CDH13: variants seen among roughly 807,000 people sequenced by gnomAD.
CDH13 encodes cadherin-13.
A neutral mutation model predicts 63.8 loss-of-function variants in CDH13; 24 were observed. The ratio of observed to expected loss-of-function variants is 0.38; its 90% CI spans 0.27 to 0.53. The LOEUF (loss-of-function observed/expected upper bound fraction) is 0.53. CDH13 is among the 20% of genes least tolerant of loss of function. CDH13 has a pLI of 0.85. For missense variants in CDH13, 1,049 were observed against 903.1 expected (o/e 1.16, Z -2.07); for synonymous variants, 503 against 355.3 (o/e 1.42, Z -4.67).
intron 6 of CDH13, among the ~76,000 whole-genome samples, chr16:83,450,327 C>G (rs541175014): frequency 6.6e-6 from 1 of 152,148 alleles, no homozygotes; most frequent in Admixed American, 6.5e-5. Context: ...ATTTGAAGTA[C>G]GTGGTCCCTG....
At chr16:83,731,262 C>G (rs1485141841) in intron 10 of CDH13, among the ~76,000 whole-genome samples, 2 of 152,206 alleles carry the variant, frequency 1.3e-5, no homozygotes, top group African/African-American at 2.4e-5. Context: ...AGGGGCTGAA[C>G]TGATTTACAT....
chr16:83,374,596 A>G (rs74621662), intron 6 of CDH13, among the ~76,000 whole-genome samples: 267 of 152,326 alleles, frequency 1.8e-3, no homozygotes, highest in Non-Finnish European at 3.1e-3. Flanking sequence ...ACTCGTACCC[A>G]CTTCAGGATA....
intron 6 of CDH13, among the ~76,000 whole-genome samples, chr16:83,364,351 CTG>C (rs2151389216): frequency 6.6e-6 from 1 of 152,262 alleles, no homozygotes; most frequent in African/African-American, 2.4e-5. Context: ...TTTGATGTAA[CTG>C]TACTGTGCAA....
chr16:83,052,571 C>T (rs1362023345), intron 3 of CDH13, among the ~76,000 whole-genome samples: 3 of 152,056 alleles, frequency 2.0e-5, no homozygotes, highest in Non-Finnish European at 4.4e-5. Flanking sequence ...CCTGGGGTCA[C>T]GAGTTGAAGA....
intron 13 of CDH13, among the ~76,000 whole-genome samples, chr16:83,792,531 CA>C (rs1235556075): frequency 6.6e-6 from 1 of 152,174 alleles, no homozygotes; most frequent in Non-Finnish European, 1.5e-5. Flanking sequence ...TGTCTAGAGA[CA>C]TTTTGATTAT....
At chr16:83,192,688 G>C (rs555512027) in intron 4 of CDH13, among the ~76,000 whole-genome samples, 1 of 152,096 alleles carries the variant, frequency 6.6e-6, no homozygotes, top group Non-Finnish European at 1.5e-5. Context: ...AGGTGTTTGC[G>C]TGCTGTATCA....
intron 2 of CDH13, among the ~76,000 whole-genome samples, chr16:83,017,086 C>G (rs1048824945): frequency 6.6e-6 from 1 of 152,182 alleles, no homozygotes; most frequent in African/African-American, 2.4e-5. Flanking sequence ...TATGTTTCCC[C>G]AGTCATTGAA....
chr16:83,554,474 C>T (rs1251329392), intron 7 of CDH13, among the ~76,000 whole-genome samples: 14 of 152,078 alleles, frequency 9.2e-5, no homozygotes, highest in Admixed American at 4.6e-4. Flanking sequence ...GAAGGGAACA[C>T]GAACTTCTGC....
chr16:83,393,463 T>C (rs1319363404), intron 6 of CDH13, among the ~76,000 whole-genome samples: 3 of 152,186 alleles, frequency 2.0e-5, no homozygotes, highest in East Asian at 1.9e-4. Context: ...TGTCACAATC[T>C]GCTGCCCGAG....
At chr16:83,297,586 T>C (rs11640284) in intron 5 of CDH13, among the ~76,000 whole-genome samples, 62,460 of 151,826 alleles carry the variant, frequency 0.41, 12,932 homozygotes, top group Admixed American at 0.45. Context: ...GCTTGGGCAC[T>C]GTTCTCAGTG....
At chr16:83,035,380 G>A (rs1916755447) in intron 3 of CDH13, among the ~76,000 whole-genome samples, 1 of 152,110 alleles carries the variant, frequency 6.6e-6, no homozygotes, top group South Asian at 2.1e-4. Flanking sequence ...AGGGGAGCTG[G>A]GCTGGTCCTC....
At chr16:82,857,230 C>T (rs1304297717) in intron 1 of CDH13, among the ~76,000 whole-genome samples, 1 of 152,184 alleles carries the variant, frequency 6.6e-6, no homozygotes, top group Non-Finnish European at 1.5e-5. Flanking sequence ...AGTTCGTCTT[C>T]TATAAAATAT....
In CDH13 at chr16:82,825,299, C is replaced by G. The variant is rs559269039; in HGVS notation, c.46-33063C>G. ...CAGTAAGGTGCACCCACTTCTCAGC[C>G]ACCCTCCCTGACTTTGTTTTCACAA... is the stretch of plus-strand genomic sequence containing the variant. On this transcript the variant is annotated intron_variant, in intron 1 of 13. Transcript: ENST00000567109. The G allele has an allele frequency of 3.6e-4, 55 of 152,178 alleles. 1 individual carries two copies. Among genetic ancestry groups the G allele is most frequent in the African/African-American group, 1.2e-3 (49 of 41,550 alleles). The allele number at this position is 152,178 out of a possible 1,614,324, so 9.4% of individuals were successfully genotyped here. A position where few individuals can be genotyped will look rare whatever the true frequency, so the allele number is the denominator to read the frequency against.
intron 1 of CDH13, among the ~76,000 whole-genome samples, chr16:82,715,468 G>A (rs929568117): frequency 2.0e-5 from 3 of 152,116 alleles, no homozygotes; most frequent in Admixed American, 6.5e-5. Flanking sequence ...CCAGAGCTAC[G>A]TGCGATGCTG....
rs147136581 is a variant in CDH13, at chr16:82,669,706, C to T, written c.45+42569C>T. ...GGCAAACCTTTTCCATACAACTGTG[C>T]CCTCTAGAATGTAGATCAATTAAGC... On this transcript the variant is annotated intron_variant, in intron 1 of 13. Coordinates refer to ENST00000567109, the MANE Select transcript of CDH13 (RefSeq NM_001257.5). 9.6e-3 allele frequency among the ~76,000 whole-genome samples: 1,468 copies of T among 152,272 alleles called. 35 individuals are homozygous for T. Among genetic ancestry groups the T allele is most frequent in the African/African-American group, 0.033 (1,374 of 41,548 alleles).
intron 5 of CDH13, among the ~76,000 whole-genome samples, chr16:83,273,761 C>T (rs1469149013): frequency 6.6e-6 from 1 of 152,162 alleles, no homozygotes; most frequent in Non-Finnish European, 1.5e-5. Flanking sequence ...TTCAATACTA[C>T]ATAGGTATCG....
chr16:83,112,816 G>C (rs34959164), intron 3 of CDH13, among the ~76,000 whole-genome samples: 1 of 151,880 alleles, frequency 6.6e-6, no homozygotes, highest in Non-Finnish European at 1.5e-5. Flanking sequence ...CGTGAGCACC[G>C]TGCAGTTTAT....
intron 6 of CDH13, among the ~76,000 whole-genome samples, chr16:83,473,793 C>T (rs767510346): frequency 6.6e-5 from 10 of 152,180 alleles, no homozygotes; most frequent in South Asian, 2.1e-4. Context: ...GTTTGCCTCT[C>T]GTCTCAGCCA....
chr16:83,529,225 C>A (rs1393148045), intron 7 of CDH13, among the ~76,000 whole-genome samples: 1 of 151,758 alleles, frequency 6.6e-6, no homozygotes, highest in Non-Finnish European at 1.5e-5. Flanking sequence ...ACTCTGAAGT[C>A]CAGTGTACGT....
Sources: allele counts gnomAD v4.1 joint callset (sites outside exome capture counted in the v4.1 genomes callset), GRCh38; gene constraint gnomAD v4.1.1; transcripts MANE v1.5; gene names NCBI Gene and HGNC (gene_info 2026-07-23, HGNC 2026-07-21).